Variants in MPPED2 observed in about 807,000 individuals in gnomAD.
The protein encoded by MPPED2 is metallophosphoesterase MPPED2.
A neutral mutation model predicts 33.0 loss-of-function variants in MPPED2; 5 were observed. The ratio of observed to expected loss-of-function variants is 0.15; its 90% CI spans 0.08 to 0.32. The LOEUF (loss-of-function observed/expected upper bound fraction) is 0.32. Ranked by LOEUF, MPPED2 falls within the 10% of genes least tolerant of loss-of-function variation. MPPED2 has a pLI of 1.00. For synonymous variants in MPPED2, 136 were observed against 141.9 expected (o/e 0.96, Z 0.29); for missense variants, 275 against 372.1 (o/e 0.74, Z 2.15).
At chr11:30,417,705 G>A (rs939610822) in intron 4 of MPPED2, 72 bp from the exon 5 acceptor site, 46 of 859,180 alleles carry the variant, frequency 5.4e-5, no homozygotes, top group East Asian at 5.3e-4. Flanking sequence ...TTTCTCTCTC[G>A]CACATTCCCC....
At chr11:30,580,870 G>C (rs370053096) in intron 1 of MPPED2, among the ~76,000 whole-genome samples, 6 of 152,190 alleles carry the variant, frequency 3.9e-5, no homozygotes, top group African/African-American at 1.4e-4. Context: ...TGGAATGTTT[G>C]GTCTTTACAA....
exon 7 of MPPED2, chr11:30,384,730 G>A (rs1947684148): frequency 6.6e-6 from 1 of 152,256 alleles, no homozygotes; most frequent in Admixed American, 6.5e-5. Flanking sequence ...AAAGTGCTGG[G>A]AGGCATGAGC....
intron 3 of MPPED2, among the ~76,000 whole-genome samples, chr11:30,513,152 T>C (rs1953325516): frequency 6.6e-6 from 1 of 152,200 alleles, no homozygotes; most frequent in South Asian, 2.1e-4. Context: ...AAGATCTCAG[T>C]GACCAGCATT....
At chr11:30,443,068 C>A (rs1263848930) in intron 4 of MPPED2, among the ~76,000 whole-genome samples, 1 of 152,008 alleles carries the variant, frequency 6.6e-6, no homozygotes, top group African/African-American at 2.4e-5. Flanking sequence ...TCTTCAGACA[C>A]AATATAAATT....
At chr11:30,494,737 CAA>C (rs767500886) in intron 4 of MPPED2, among the ~76,000 whole-genome samples, 9 of 47,610 alleles carry the variant, frequency 1.9e-4, no homozygotes, top group South Asian at 1.7e-3. Context: ...TACTCCACCT[CAA>C]AAAAAAAAAA....
At chr11:30,479,394 C>T (rs1382657964) in intron 4 of MPPED2, among the ~76,000 whole-genome samples, 2 of 152,060 alleles carry the variant, frequency 1.3e-5, no homozygotes, top group Non-Finnish European at 2.9e-5. Context: ...ATCAAATATA[C>T]AGTAAAATTT....
chr11:30,527,607 A>T (rs1465639653), intron 3 of MPPED2, among the ~76,000 whole-genome samples: 1 of 152,074 alleles, frequency 6.6e-6, no homozygotes, highest in Non-Finnish European at 1.5e-5. Flanking sequence ...TTCAGATGTT[A>T]ATCAGAGTCT....
In MPPED2 at chr11:30,567,138, C is replaced by T. The variant is rs185786975; in HGVS notation, c.128+13108G>A. Among the ~76,000 whole-genome samples, 12 of 152,250 alleles carry T rather than the reference C, an allele frequency of 7.9e-5. 1 individual carries two copies. In the East Asian group the frequency reaches 9.6e-4, roughly 12 times the overall value. On this transcript the variant is annotated intron_variant, in intron 2 of 6. Transcript: ENST00000358117. ...CTTCAATGTCAGCAGTAAATCCAGA[C>T]GGTTTTGAAGACCTTGGGAAAAATT...
At chr11:30,397,040 CTGTAAG>C (rs1403492697) in intron 6 of MPPED2, among the ~76,000 whole-genome samples, 1 of 152,022 alleles carries the variant, frequency 6.6e-6, no homozygotes, top group African/African-American at 2.4e-5. Context: ...ATATTCTGTT[CTGTAAG>C]TGTAATTCAG....
chr11:30,516,744 G>A (rs1410196931), intron 3 of MPPED2, among the ~76,000 whole-genome samples: 4 of 152,100 alleles, frequency 2.6e-5, no homozygotes, highest in African/African-American at 7.2e-5. Context: ...ACCAAGTCCT[G>A]TGTCCAGCAA....
rs555810241 is a variant in MPPED2 at position 30,387,063 on chromosome 11, C to T, written c.*1826G>A. On this transcript the variant is annotated 3_prime_UTR_variant, in exon 7 of 7. Coordinates refer to the MPPED2 transcript ENST00000448418. ...GGAGCATCTAACTGCACAGCGTGCA[C>T]GCATATAAGCACAGCTGGATTTCAA... The T allele has an allele frequency of 1.3e-4, 39 of 307,248 alleles. No homozygotes were observed. The South Asian group carries it at 4.2e-3, about 33-fold the overall frequency. The allele number at this position is 307,248 out of a possible 1,614,324, so 19.0% of individuals were successfully genotyped here.
At chr11:30,436,927 T>C (rs1306193436) in intron 4 of MPPED2, among the ~76,000 whole-genome samples, 2 of 152,248 alleles carry the variant, frequency 1.3e-5, no homozygotes, top group Non-Finnish European at 1.5e-5. Flanking sequence ...CATCATCTCC[T>C]GCCTAAAGAG....
At chr11:30,511,331 CT>C (rs1482431531) in intron 3 of MPPED2, among the ~76,000 whole-genome samples, 1 of 152,048 alleles carries the variant, frequency 6.6e-6, no homozygotes, top group Non-Finnish European at 1.5e-5. Context: ...CCTTATGGAA[CT>C]TATATTCAGG....
intron 2 of MPPED2, among the ~76,000 whole-genome samples, chr11:30,545,727 C>T (rs1955382401): frequency 6.6e-6 from 1 of 152,152 alleles, no homozygotes; most frequent in Non-Finnish European, 1.5e-5. Flanking sequence ...TAGGCGGTGG[C>T]TCTGCTCCAG....
At chr11:30,550,571 T>C (rs946663876) in intron 2 of MPPED2, among the ~76,000 whole-genome samples, 2 of 152,160 alleles carry the variant, frequency 1.3e-5, no homozygotes, top group Non-Finnish European at 2.9e-5. Context: ...CTGAAGGGTA[T>C]GGACAAGTTC....
At chr11:30,508,177 G>C (rs537056854) in intron 3 of MPPED2, among the ~76,000 whole-genome samples, 17 of 152,278 alleles carry the variant, frequency 1.1e-4, no homozygotes, top group Non-Finnish European at 2.4e-4. Context: ...GAACACAGTT[G>C]GAGAGCATAC....
chr11:30,494,529 G>C (rs1450233671), intron 4 of MPPED2, among the ~76,000 whole-genome samples: 1 of 151,984 alleles, frequency 6.6e-6, no homozygotes, highest in African/African-American at 2.4e-5. Flanking sequence ...CCTGAGGTCA[G>C]GAGTTCAAGA....
At chr11:30,578,974 A>C (rs1957045484) in intron 2 of MPPED2, among the ~76,000 whole-genome samples, 1 of 150,586 alleles carries the variant, frequency 6.6e-6, no homozygotes, top group African/African-American at 2.4e-5. Flanking sequence ...ATAGTTTAGC[A>C]GTAACCACTT....
exon 7 of MPPED2, chr11:30,387,732 C>T (rs1217976151): frequency 1.3e-5 from 2 of 152,232 alleles, no homozygotes; most frequent in Admixed American, 6.6e-5. Context: ...GTGAACAGTC[C>T]CAGCAAAGCC....
Sources: gnomAD v4.1 joint callset for allele counts (sites outside exome capture counted in the v4.1 genomes callset) on GRCh38, gnomAD v4.1.1 for gene constraint, MANE v1.5 for transcripts, NCBI Gene and HGNC (gene_info 2026-07-23, HGNC 2026-07-21) for gene names.